CLEC4D: variants seen among roughly 807,000 people sequenced by gnomAD.
The protein encoded by CLEC4D is C-type (calcium dependent, carbohydrate-recognition domain) lectin, superfamily member 8.
Under a neutral mutation model 21.1 loss-of-function variants are expected in CLEC4D, and 21 were observed. That is an observed-to-expected ratio of 1.00 (90% CI 0.71 to 1.43). The LOEUF (loss-of-function observed/expected upper bound fraction) is 1.43, where lower values mean the gene tolerates loss of function less well. Among genes scored for constraint, CLEC4D ranks in the 40% most tolerant of loss-of-function variants. The probability of loss-of-function intolerance (pLI) is 0.00; values close to 1 mark genes in which losing one functional copy is unlikely to be tolerated. For missense variants in CLEC4D, 289 were observed against 260.7 expected (o/e 1.11, Z -0.75); for synonymous variants, 85 against 83.1 (o/e 1.02, Z -0.12).
intron 5 of CLEC4D, among the ~76,000 whole-genome samples, chr12:8,520,774 G>A (rs759999657): frequency 6.6e-6 from 1 of 152,132 alleles, no homozygotes; most frequent in East Asian, 1.9e-4. Flanking sequence ...CAAGTGAAAT[G>A]TATTTTAATA....
intron 3 of CLEC4D, 67 bp downstream of exon 3, chr12:8,518,341 G>A: frequency 2.7e-6 from 2 of 748,320 alleles, no homozygotes; most frequent in Admixed American, 4.3e-5. Flanking sequence ...CTGACTGAAG[G>A]AATGTCAGTA....
At chr12:8,515,438 T>A in intron 2 of CLEC4D, 110 bp downstream of exon 2, 3 of 669,146 alleles carry the variant, frequency 4.5e-6, no homozygotes, top group Non-Finnish European at 8.1e-6. Context: ...ATAACCTATC[T>A]ATAATATCTT....
chr12:8,520,043 C>G (rs1940438030), intron 4 of CLEC4D, among the ~76,000 whole-genome samples, 183 bp from the exon 5 acceptor site: 1 of 152,168 alleles, frequency 6.6e-6, no homozygotes, highest in East Asian at 1.9e-4. Flanking sequence ...AAGACAAGAG[C>G]ACTGGGGGTT....
the CLEC4D span, among the ~76,000 whole-genome samples, chr12:8,530,304 CTA>C: frequency 6.6e-6 from 1 of 151,974 alleles, no homozygotes; most frequent in African/African-American, 2.4e-5. Flanking sequence ...GTTGGCATTC[CTA>C]GCCAGCTCAA....
chr12:8,516,800 T>C (rs953990566), intron 2 of CLEC4D, among the ~76,000 whole-genome samples: 1 of 152,244 alleles, frequency 6.6e-6, no homozygotes, highest in African/African-American at 2.4e-5. Context: ...TTGAAAATGC[T>C]CAGAAGAGCA....
In CLEC4D at chr12:8,521,143, C is replaced by A; in HGVS notation, c.520C>A (p.Pro174Thr). 6.2e-7 allele frequency: 1 copy of A among 1,613,060 alleles called. No individual in the cohort carries two copies. The highest frequency in any genetic ancestry group is 8.5e-7 in the Non-Finnish European group (1 of 1,179,424). ...TTTCAGATTCTGGCATAAGAATGAA[C>A]CCGACAACTCTCAGGGAGAAAACTG... ...PRRVFWHKNE[P>T]DNSQGENCVV... The change falls in exon 6 of 6, where the codon CCC becomes ACC. Residue 174 changes from proline to threonine, a missense_variant. Physicochemically the swap from Pro to Thr is conservative, Grantham distance 38. Coordinates refer to ENST00000299665, the MANE Select transcript of CLEC4D (RefSeq NM_080387.5).
the CLEC4D span, among the ~76,000 whole-genome samples, chr12:8,527,736 C>G: frequency 1.3e-5 from 2 of 152,232 alleles, no homozygotes; most frequent in South Asian, 2.1e-4. Flanking sequence ...TCCCCCACCC[C>G]CAGGAGTTCA....
At chr12:8,514,652 A>T (rs1360473923) in intron 1 of CLEC4D, among the ~76,000 whole-genome samples, 1 of 152,094 alleles carries the variant, frequency 6.6e-6, no homozygotes, top group Non-Finnish European at 1.5e-5. Context: ...AAGAGTGCTT[A>T]TTTCCCCTCA....
At position 8,513,584 on chromosome 12, in the gene CLEC4D, C is replaced by G. The variant is rs1296954928; in HGVS notation, c.-149C>G. ...TGAGCTAACTTTCTTATACTGGTAC[C>G]TTTCTAATCTCACTACAATATGTAA... On this transcript the variant is annotated 5_prime_UTR_variant, in exon 1 of 6. Coordinates refer to ENST00000299665, the MANE Select transcript of CLEC4D (RefSeq NM_080387.5). The G allele has an allele frequency of 2.1e-6, 1 of 467,024 alleles. No individual in the cohort carries two copies. Among genetic ancestry groups the G allele is most frequent in the East Asian group, 3.0e-5 (1 of 33,028 alleles). 28.9% of individuals were successfully genotyped at this position (467,024 alleles called of 1,614,324 possible).
intron 2 of CLEC4D, among the ~76,000 whole-genome samples, chr12:8,517,556 C>T (rs1373160371): frequency 2.0e-5 from 3 of 151,526 alleles, no homozygotes; most frequent in African/African-American, 4.9e-5. Context: ...TTCATACAAC[C>T]CAGCGCGCAC....
chr12:8,530,948 G>A, the CLEC4D span, among the ~76,000 whole-genome samples: 2 of 152,114 alleles, frequency 1.3e-5, no homozygotes, highest in African/African-American at 2.4e-5. Flanking sequence ...ATGCTGACCC[G>A]CTCAGGCTCT....
At chr12:8,516,369 T>C (rs935450591) in intron 2 of CLEC4D, among the ~76,000 whole-genome samples, 1 of 152,024 alleles carries the variant, frequency 6.6e-6, no homozygotes, top group Non-Finnish European at 1.5e-5. Context: ...AATAAATAAT[T>C]CACATGTAGA....
intron 3 of CLEC4D, among the ~76,000 whole-genome samples, chr12:8,518,620 T>A (rs113218872): frequency 1.5e-3 from 221 of 152,354 alleles, no homozygotes; most frequent in African/African-American, 5.2e-3. Flanking sequence ...TATTGTGGAA[T>A]TTGTCATCTC....
downstream of CLEC4D, among the ~76,000 whole-genome samples, chr12:8,522,768 GC>G (rs1264526899): frequency 6.6e-6 from 1 of 152,114 alleles, no homozygotes; most frequent in Non-Finnish European, 1.5e-5. Flanking sequence ...ATGAAGTTTT[GC>G]CCATGCCTGT....
rs938990668 is a variant in CLEC4D at position 8,513,614 on chromosome 12, G to A, written c.-119G>A. On this transcript the variant is annotated 5_prime_UTR_variant, in exon 1 of 6. Coordinates refer to ENST00000299665, the MANE Select transcript of CLEC4D (RefSeq NM_080387.5). Reference sequence around the variant, plus strand: ...TAATCTCACTACAATATGTAACATTGGTGTTCGATCTCAAGTATTTCTGAA... The same window carrying A: ...TAATCTCACTACAATATGTAACATTAGTGTTCGATCTCAAGTATTTCTGAA... The A allele has an allele frequency of 1.5e-5, 9 of 611,786 alleles. No homozygotes were observed. In the African/African-American group the frequency reaches 1.5e-4, roughly 10 times the overall value. The allele number at this position is 611,786 out of a possible 1,614,324, so 37.9% of individuals were successfully genotyped here.
intron 2 of CLEC4D, among the ~76,000 whole-genome samples, chr12:8,517,371 C>T (rs1940394103): frequency 6.6e-6 from 1 of 152,000 alleles, no homozygotes; most frequent in African/African-American, 2.4e-5. Flanking sequence ...CATATGCATA[C>T]ATGTGCCATG....
intron 4 of CLEC4D, among the ~76,000 whole-genome samples, 199 bp downstream of exon 4, chr12:8,519,359 C>T (rs1160960928): frequency 6.6e-6 from 1 of 152,162 alleles, no homozygotes; most frequent in East Asian, 1.9e-4. Context: ...GTTATTTCCT[C>T]CAGAAAGCTA....
intron 1 of CLEC4D, 135 bp from the exon 2 acceptor site, chr12:8,515,101 G>T: frequency 6.0e-6 from 3 of 496,182 alleles, no homozygotes; most frequent in South Asian, 3.8e-5. Flanking sequence ...TGATTTATTT[G>T]GAGAAAATAT....
At chr12:8,523,140 A>G (rs1215626290), downstream of CLEC4D, among the ~76,000 whole-genome samples, 1 of 152,170 alleles carries the variant, frequency 6.6e-6, no homozygotes, top group Admixed American at 6.5e-5. Context: ...TGATGCCCCC[A>G]GCTTTGTTCT....
Sources: allele counts gnomAD v4.1 joint callset (sites outside exome capture counted in the v4.1 genomes callset), GRCh38; gene constraint gnomAD v4.1.1; transcripts MANE v1.5; gene names NCBI Gene and HGNC (gene_info 2026-07-23, HGNC 2026-07-21).